Variants in KCNB2 observed in about 807,000 individuals in gnomAD.
KCNB2 encodes potassium voltage-gated channel subfamily B member 2.
Under a neutral mutation model 61.5 loss-of-function variants are expected in KCNB2, and 15 were observed. The observed-to-expected ratio is 0.24, with a 90% CI of 0.16 to 0.38. The LOEUF is 0.38. KCNB2 is among the 10% of genes least tolerant of loss of function. The probability of loss-of-function intolerance (pLI) is 1.00; values close to 1 mark genes in which losing one functional copy is unlikely to be tolerated. For missense variants in KCNB2, 828 were observed against 1,125.2 expected (o/e 0.74, Z 3.78); for synonymous variants, 457 against 446.0 (o/e 1.02, Z -0.31).
chr8:72,913,500 A>T (rs1806337476), intron 2 of KCNB2, among the ~76,000 whole-genome samples: 2 of 152,222 alleles, frequency 1.3e-5, no homozygotes, highest in Non-Finnish European at 2.9e-5. Flanking sequence ...TACTGCAATA[A>T]GTAGCTGTAC....
intron 2 of KCNB2, among the ~76,000 whole-genome samples, chr8:72,669,235 T>C (rs1377039673): frequency 1.3e-5 from 2 of 152,186 alleles, no homozygotes; most frequent in Non-Finnish European, 2.9e-5. Flanking sequence ...GATCCTTTGA[T>C]CATCCCTCCA....
Position 72,597,001 on chromosome 8 carries a change from C to CTTTTTTTTTTTTTTTTTT in KCNB2, c.579+28712_579+28729dup, listed in dbSNP as rs869160203. The stretch of plus-strand genomic sequence containing the variant: ...GCATGCTTGCTTGCTTGCTTGCTTG[C>CTTTTTTTTTTTTTTTTTT]TTTTTTTTTTTTTTTTTTTTTTTTT... On this transcript the variant is annotated intron_variant, in intron 2 of 2. Transcript: ENST00000523207. Among the ~76,000 whole-genome samples, 5 of 64,658 alleles carry CTTTTTTTTTTTTTTTTTT rather than the reference C, an allele frequency of 7.7e-5. 1 individual carries two copies. The highest frequency in any genetic ancestry group is 1.8e-4 in the Admixed American group (1 of 5,604). 42.4% of individuals were successfully genotyped at this position (64,658 alleles called of 152,430 possible).
At chr8:72,624,701 C>T (rs1258179130) in intron 2 of KCNB2, among the ~76,000 whole-genome samples, 1 of 152,318 alleles carries the variant, frequency 6.6e-6, no homozygotes, top group Non-Finnish European at 1.5e-5. Context: ...TATGGCGGTC[C>T]CCATGACCCC....
intron 2 of KCNB2, among the ~76,000 whole-genome samples, chr8:72,724,142 T>C (rs1346259561): frequency 2.0e-5 from 3 of 152,326 alleles, no homozygotes; most frequent in Non-Finnish European, 2.9e-5. Flanking sequence ...TGTTCTGTCC[T>C]CTTGTCATGG....
chr8:72,655,493 G>T (rs544762096), intron 2 of KCNB2, among the ~76,000 whole-genome samples: 2 of 152,024 alleles, frequency 1.3e-5, no homozygotes, highest in South Asian at 4.2e-4. Context: ...ACAGAGCAAG[G>T]GATTCAATGT....
intron 2 of KCNB2, among the ~76,000 whole-genome samples, chr8:72,839,840 C>T (rs1318821428): frequency 2.0e-5 from 3 of 151,898 alleles, no homozygotes; most frequent in African/African-American, 2.4e-5. Context: ...GTCTTGATCT[C>T]CTGACCTCGT....
intron 2 of KCNB2, among the ~76,000 whole-genome samples, chr8:72,822,224 T>C (rs1440333): frequency 0.79 from 120,894 of 152,228 alleles, 48,335 homozygotes; most frequent in East Asian, 0.91. Flanking sequence ...GCCTTTATGG[T>C]ACCTGCCAGA....
At chr8:72,667,048 GAGATAGAGAGAA>G (rs1206456470) in intron 2 of KCNB2, among the ~76,000 whole-genome samples, 5 of 151,736 alleles carry the variant, frequency 3.3e-5, no homozygotes, top group African/African-American at 1.2e-4. Flanking sequence ...AGAGCAGAGA[GAGATAGAGAGAA>G]AGAGAGAAAC....
chr8:72,751,717 C>T (rs1808191388), intron 2 of KCNB2: 1 of 152,170 alleles, frequency 6.6e-6, no homozygotes, highest in African/African-American at 2.4e-5. Flanking sequence ...CATTTTAGTA[C>T]TTAATTAAAT....
intron 2 of KCNB2, among the ~76,000 whole-genome samples, chr8:72,684,564 CCCA>C (rs756370631): frequency 2.6e-5 from 4 of 152,120 alleles, no homozygotes; most frequent in Admixed American, 1.3e-4. Context: ...CCTCCTCACC[CCCA>C]CCTACCCTCA....
At chr8:72,817,016 T>C (rs974857044) in intron 2 of KCNB2, among the ~76,000 whole-genome samples, 1 of 152,178 alleles carries the variant, frequency 6.6e-6, no homozygotes, top group Non-Finnish European at 1.5e-5. Context: ...ATATCTGAAG[T>C]TAGAGAACTC....
intron 2 of KCNB2, among the ~76,000 whole-genome samples, chr8:72,735,462 A>G (rs1264953095): frequency 6.6e-6 from 1 of 152,172 alleles, no homozygotes; most frequent in East Asian, 1.9e-4. Context: ...TAAAGGTCTC[A>G]CATGCAAAAA....
chr8:72,709,416 G>A (rs1807287988), intron 2 of KCNB2, among the ~76,000 whole-genome samples: 1 of 151,910 alleles, frequency 6.6e-6, no homozygotes, highest in Admixed American at 6.6e-5. Flanking sequence ...TATGAAGAAA[G>A]AGATTTAATT....
At chr8:72,824,933 G>A (rs11990904) in intron 2 of KCNB2, among the ~76,000 whole-genome samples, 66,622 of 152,066 alleles carry the variant, frequency 0.44, 15,189 homozygotes, top group Middle Eastern at 0.62. Flanking sequence ...CCATTTTCAA[G>A]TGTACAGTTT....
At chr8:72,591,398 T>C (rs1807096498) in intron 2 of KCNB2, among the ~76,000 whole-genome samples, 1 of 152,168 alleles carries the variant, frequency 6.6e-6, no homozygotes, top group Non-Finnish European at 1.5e-5. Context: ...TATACCTTAA[T>C]AGTCTGGGAC....
At chr8:72,564,649 T>C (rs1806594149) in intron 1 of KCNB2, among the ~76,000 whole-genome samples, 1 of 152,152 alleles carries the variant, frequency 6.6e-6, no homozygotes, top group Non-Finnish European at 1.5e-5. Context: ...ATATATATAG[T>C]TCATCATCAC....
In KCNB2 at chr8:72,654,678, A is replaced by G. The variant is rs542611996; in HGVS notation, c.579+86365A>G. On this transcript the variant is annotated intron_variant, in intron 2 of 2. Coordinates refer to ENST00000523207, the MANE Select transcript of KCNB2 (RefSeq NM_004770.3). Reference sequence around the variant, plus strand: ...ATTCTTCAAGTATTTGCTTTACTAAAGAAATGTGAAGTAAAAAGGCAGTGA... The same window carrying G: ...ATTCTTCAAGTATTTGCTTTACTAAGGAAATGTGAAGTAAAAAGGCAGTGA... Among the ~76,000 whole-genome samples, 142 of 152,196 alleles carry G rather than the reference A, an allele frequency of 9.3e-4. 1 individual carries two copies. Among genetic ancestry groups the G allele is most frequent in the Non-Finnish European group, 1.7e-3 (114 of 68,030 alleles).
chr8:72,723,950 C>A (rs889930723), intron 2 of KCNB2, among the ~76,000 whole-genome samples: 3 of 152,102 alleles, frequency 2.0e-5, no homozygotes, highest in Admixed American at 2.0e-4. Context: ...CTTCCTGTAT[C>A]GATTTTTTTT....
chr8:72,821,325 T>A (rs1195115369), intron 2 of KCNB2, among the ~76,000 whole-genome samples: 1 of 152,106 alleles, frequency 6.6e-6, no homozygotes, highest in Non-Finnish European at 1.5e-5. Flanking sequence ...AGTCTGCTAA[T>A]GTGCTAACGC....
Sources: gnomAD v4.1 joint callset for allele counts (sites outside exome capture counted in the v4.1 genomes callset) on GRCh38, gnomAD v4.1.1 for gene constraint, MANE v1.5 for transcripts, NCBI Gene and HGNC (gene_info 2026-07-23, HGNC 2026-07-21) for gene names.